Variants in ABCC1 observed in about 807,000 individuals in gnomAD.
The protein encoded by ABCC1 is multidrug resistance-associated protein 1.
A neutral mutation model predicts 172.9 loss-of-function variants in ABCC1; 83 were observed. That is an observed-to-expected ratio of 0.48 (90% CI 0.40 to 0.58). ABCC1 has a LOEUF of 0.58. ABCC1 is among the 20% of genes least tolerant of loss of function. The probability of loss-of-function intolerance (pLI) is 0.00; values close to 1 mark genes in which losing one functional copy is unlikely to be tolerated. For missense variants in ABCC1, 1,817 were observed against 2,002.7 expected, an observed-to-expected ratio of 0.91 and a Z score of 1.77; for synonymous variants, 937 against 825.2, an observed-to-expected ratio of 1.14 and a Z score of -2.32.
intron 12 of ABCC1, among the ~76,000 whole-genome samples, chr16:16,057,709 TTC>T (rs1272620425): frequency 6.6e-6 from 1 of 152,130 alleles, no homozygotes; most frequent in Non-Finnish European, 1.5e-5. Flanking sequence ...GTACATAGTG[TTC>T]TCTTTTCTTT....
chr16:16,045,103 G>GA (rs2049148279), intron 8 of ABCC1, among the ~76,000 whole-genome samples: 1 of 152,030 alleles, frequency 6.6e-6, no homozygotes, highest in South Asian at 2.1e-4. Flanking sequence ...CAGATCTCAT[G>GA]AAAAAACTGC....
chr16:16,056,796 AC>A (rs1279389284), intron 12 of ABCC1, among the ~76,000 whole-genome samples: 1 of 149,496 alleles, frequency 6.7e-6, no homozygotes, highest in African/African-American at 2.4e-5. Flanking sequence ...CTGTGTAGGA[AC>A]CGTTCGTTAT....
intron 19 of ABCC1, 72 bp downstream of exon 19, chr16:16,090,660 G>C (rs2051215875): frequency 6.9e-7 from 1 of 1,448,488 alleles, no homozygotes; most frequent in South Asian, 1.5e-5. Context: ...GCCTCTTTGA[G>C]GTTGCCACCA....
At chr16:16,129,505 T>C (rs1276895036) in intron 26 of ABCC1, among the ~76,000 whole-genome samples, 14 of 151,868 alleles carry the variant, frequency 9.2e-5, no homozygotes, top group Admixed American at 9.2e-4. Context: ...AATAATACTT[T>C]TTGTTGTTGG....
chr16:15,964,523 CAG>C (rs954026997), intron 1 of ABCC1, among the ~76,000 whole-genome samples: 31 of 152,280 alleles, frequency 2.0e-4, no homozygotes, highest in African/African-American at 7.2e-4. Context: ...GGTGGGGACA[CAG>C]AGCCAGACCA....
intron 11 of ABCC1, 78 bp from the exon 12 acceptor site, chr16:16,056,014 G>A (rs35595): frequency 0.16 from 209,428 of 1,297,882 alleles, 20,742 homozygotes; most frequent in African/African-American, 0.45. Context: ...AAGTTTATGA[G>A]AAAAATAGCT....
chr16:16,083,581 C>A, intron 17 of ABCC1, 39 bp downstream of exon 17: 3 of 1,588,178 alleles, frequency 1.9e-6, no homozygotes, highest in Non-Finnish European at 1.7e-6. Flanking sequence ...AATCAGTCAG[C>A]TGTTGCCGCG....
chr16:16,026,181 C>T (rs2048361448), intron 5 of ABCC1, among the ~76,000 whole-genome samples: 1 of 152,066 alleles, frequency 6.6e-6, no homozygotes, highest in South Asian at 2.1e-4. Flanking sequence ...CCTGTAATCC[C>T]AGCACTTTGG....
At chr16:15,965,915 T>C (rs1336355512) in intron 1 of ABCC1, among the ~76,000 whole-genome samples, 2 of 152,126 alleles carry the variant, frequency 1.3e-5, no homozygotes, top group African/African-American at 2.4e-5. Context: ...AAGAAAACAC[T>C]GTCCTGAATA....
chr16:16,133,177 A>C (rs761861421), intron 27 of ABCC1, among the ~76,000 whole-genome samples: 1 of 152,136 alleles, frequency 6.6e-6, no homozygotes, highest in Non-Finnish European at 1.5e-5. Flanking sequence ...TGATACCCTT[A>C]GACTTTCCTC....
At chr16:15,986,437 T>C (rs2046745860) in intron 1 of ABCC1, among the ~76,000 whole-genome samples, 1 of 152,164 alleles carries the variant, frequency 6.6e-6, no homozygotes, top group African/African-American at 2.4e-5. Flanking sequence ...CATTACCACC[T>C]GAATTCCACC....
chr16:16,114,718 GT>G, intron 22 of ABCC1, 47 bp from the exon 23 acceptor site: 3 of 1,537,710 alleles, frequency 2.0e-6, no homozygotes, highest in Non-Finnish European at 2.6e-6. Context: ...GCAGTGCCTG[GT>G]CAGCTCCCTC....
At chr16:16,088,127 G>GTGTC (rs2051090040) in intron 18 of ABCC1, among the ~76,000 whole-genome samples, 1 of 93,252 alleles carries the variant, frequency 1.1e-5, no homozygotes, top group Non-Finnish European at 2.3e-5. Context: ...GTGTATGCGT[G>GTGTC]TGTGTGTGTG....
intron 12 of ABCC1, among the ~76,000 whole-genome samples, chr16:16,063,625 G>A (rs952757975): frequency 1.3e-5 from 2 of 152,132 alleles, no homozygotes; most frequent in Non-Finnish European, 2.9e-5. Context: ...AAACTAAAAA[G>A]TCTAGAAAAA....
chr16:16,012,366 T>G (rs1205341997), intron 3 of ABCC1, among the ~76,000 whole-genome samples: 1 of 152,154 alleles, frequency 6.6e-6, no homozygotes, highest in Non-Finnish European at 1.5e-5. Flanking sequence ...CCTGGCCCTG[T>G]GCCTGGCATG....
intron 16 of ABCC1, among the ~76,000 whole-genome samples, chr16:16,082,329 T>A (rs920999999): frequency 1.3e-5 from 2 of 152,128 alleles, no homozygotes; most frequent in Non-Finnish European, 2.9e-5. Flanking sequence ...ATGCCTATAA[T>A]CCCAGCACTT....
Position 16,007,728 on chromosome 16 carries a change from C to T in ABCC1, c.49-88C>T. ...TAGGAGCCTTGTCTGTTTCTTCAAA[C>T]CCCGTGGCAGCTGGTTTCATGCTCC... On this transcript the variant is annotated intron_variant, in intron 1 of 30. Coordinates refer to ENST00000399410, the MANE Select transcript of ABCC1 (RefSeq NM_004996.4). 10 of 1,347,930 alleles carry T rather than the reference C, an allele frequency of 7.4e-6. No individual in the cohort carries two copies. In the South Asian group the frequency reaches 1.3e-4, roughly 18 times the overall value. The allele number at this position is 1,347,930 out of a possible 1,614,324, so 83.5% of individuals were successfully genotyped here.
chr16:16,036,290 A>G (rs548690595), intron 6 of ABCC1, among the ~76,000 whole-genome samples, 182 bp from the exon 7 acceptor site: 114 of 151,812 alleles, frequency 7.5e-4, no homozygotes, highest in African/African-American at 2.7e-3. Flanking sequence ...TTAGCTTGTA[A>G]TATATGCAAA....
intron 1 of ABCC1, among the ~76,000 whole-genome samples, chr16:15,986,639 T>G (rs2046751028): frequency 6.6e-6 from 1 of 152,210 alleles, no homozygotes; most frequent in Non-Finnish European, 1.5e-5. Context: ...AATCCATCCC[T>G]GGTGCCAAAA....
Sources: gnomAD v4.1 joint callset for allele counts (sites outside exome capture counted in the v4.1 genomes callset) on GRCh38, gnomAD v4.1.1 for gene constraint, MANE v1.5 for transcripts, NCBI Gene and HGNC (gene_info 2026-07-23, HGNC 2026-07-21) for gene names.